The following CCDC171 variants were observed in gnomAD, a reference collection of about 807,000 sequenced individuals.
The protein encoded by CCDC171 is coiled-coil domain-containing protein 171.
CCDC171 carries 177 observed loss-of-function variants against 168.2 expected under a neutral mutation model. The ratio of observed to expected loss-of-function variants is 1.05; its 90% CI spans 0.93 to 1.19. CCDC171 has a LOEUF of 1.19. CCDC171 is among the 50% of genes most tolerant of loss of function. The pLI is 0.00. For missense variants in CCDC171, 1,991 were observed against 1,539.0 expected, an observed-to-expected ratio of 1.29 and a Z score of -4.91; for synonymous variants, 687 against 540.8, an observed-to-expected ratio of 1.27 and a Z score of -3.75.
chr9:15,849,262 A>C (rs2061027720), intron 23 of CCDC171, among the ~76,000 whole-genome samples: 1 of 151,444 alleles, frequency 6.6e-6, no homozygotes, highest in Non-Finnish European at 1.5e-5. Flanking sequence ...ATAATGATAA[A>C]ATGTTTTACC....
intron 7 of CCDC171, among the ~76,000 whole-genome samples, chr9:15,655,441 C>T (rs2047855981): frequency 6.6e-6 from 1 of 152,106 alleles, no homozygotes; most frequent in Non-Finnish European, 1.5e-5. Flanking sequence ...CTTTTTGGGA[C>T]TAGTAATCCG....
chr9:15,826,776 A>C (rs1368678620), intron 21 of CCDC171, among the ~76,000 whole-genome samples: 1 of 152,234 alleles, frequency 6.6e-6, no homozygotes, highest in African/African-American at 2.4e-5. Context: ...AACAGAGACT[A>C]GCAGTCCCTG....
In CCDC171 at chr9:15,746,667, C is replaced by A. The variant is rs563800991; in HGVS notation, c.2671+1036C>A. ...GCCAAATAGGAACAGCTCCGGTCTGCAACTCCAGCAAGATTGATGCAGAAG... is the reference window on the plus strand; with the variant it reads ...GCCAAATAGGAACAGCTCCGGTCTGAAACTCCAGCAAGATTGATGCAGAAG... On this transcript the variant is annotated intron_variant, in intron 18 of 25. Coordinates refer to ENST00000380701, the MANE Select transcript of CCDC171 (RefSeq NM_173550.4). 4.6e-5 allele frequency among the ~76,000 whole-genome samples: 7 copies of A among 152,326 alleles called. No individual in the cohort carries two copies. In the South Asian group the frequency reaches 1.2e-3, roughly 27 times the overall value.
At chr9:16,062,059 A>C (rs1283301068), downstream of CCDC171, among the ~76,000 whole-genome samples, 1 of 152,004 alleles carries the variant, frequency 6.6e-6, no homozygotes, top group South Asian at 2.1e-4. Flanking sequence ...TTAACAATCC[A>C]CTCTTGCAAG....
chr9:15,810,558 G>A (rs1414301224), intron 21 of CCDC171, among the ~76,000 whole-genome samples: 6 of 152,182 alleles, frequency 3.9e-5, no homozygotes, highest in African/African-American at 7.2e-5. Flanking sequence ...GTGAGGAGGC[G>A]GCTGAGGCCC....
At chr9:15,726,610 TG>T (rs926942993) in intron 14 of CCDC171, among the ~76,000 whole-genome samples, 4 of 152,222 alleles carry the variant, frequency 2.6e-5, no homozygotes, top group African/African-American at 9.6e-5. Context: ...TCAAATTTTT[TG>T]ATTTTTAAAT....
chr9:16,053,485 G>A (rs937949253), intron 1 of CCDC171, among the ~76,000 whole-genome samples: 4 of 152,208 alleles, frequency 2.6e-5, no homozygotes, highest in African/African-American at 4.8e-5. Context: ...GGACCCATCC[G>A]CGCCTCAGTT....
intron 13 of CCDC171, 21 bp from the exon 14 acceptor site, chr9:15,724,755 T>G (rs1348730947): frequency 1.3e-6 from 2 of 1,589,156 alleles, no homozygotes; most frequent in Admixed American, 3.3e-5. Context: ...CTACAATCTC[T>G]TTATTTGGTA....
chr9:16,023,085 G>A (rs1304243147), intron 6 of CCDC171, among the ~76,000 whole-genome samples: 1 of 152,040 alleles, frequency 6.6e-6, no homozygotes, highest in Non-Finnish European at 1.5e-5. Context: ...AAAGCATTTG[G>A]GGGTTCATTG....
At chr9:16,099,588 T>C in the CCDC171 span, among the ~76,000 whole-genome samples, 1 of 152,182 alleles carries the variant, frequency 6.6e-6, no homozygotes, top group Non-Finnish European at 1.5e-5. Flanking sequence ...AACAAGTCTC[T>C]GAGAAGCAGC....
chr9:15,954,838 A>C (rs899072904), intron 25 of CCDC171, among the ~76,000 whole-genome samples: 1 of 151,034 alleles, frequency 6.6e-6, no homozygotes, highest in African/African-American at 2.4e-5. Context: ...TGTTTTCTTG[A>C]TTTTCTTCAC....
chr9:15,594,463 T>C (rs2042201540), intron 6 of CCDC171, among the ~76,000 whole-genome samples: 1 of 152,156 alleles, frequency 6.6e-6, no homozygotes, highest in Admixed American at 6.6e-5. Flanking sequence ...CTAATAGCTG[T>C]TTTGAATAGG....
At chr9:15,630,886 T>C (rs1340131519) in intron 7 of CCDC171, among the ~76,000 whole-genome samples, 2 of 152,114 alleles carry the variant, frequency 1.3e-5, no homozygotes, top group Non-Finnish European at 2.9e-5. Flanking sequence ...ACTGCTCAAC[T>C]ACATGGAAAC....
chr9:15,924,024 G>A (rs1384170037), intron 25 of CCDC171, among the ~76,000 whole-genome samples: 1 of 151,278 alleles, frequency 6.6e-6, no homozygotes, highest in Non-Finnish European at 1.5e-5. Context: ...TAGATATATA[G>A]ATATAGGTAT....
intron 7 of CCDC171, among the ~76,000 whole-genome samples, chr9:15,644,257 T>G (rs529631830): frequency 6.6e-6 from 1 of 152,278 alleles, no homozygotes; most frequent in East Asian, 1.9e-4. Flanking sequence ...TATAGCCATC[T>G]GGTTTTGGTC....
chr9:16,029,602 C>T (rs919217877), intron 6 of CCDC171, among the ~76,000 whole-genome samples: 2 of 152,202 alleles, frequency 1.3e-5, no homozygotes, highest in African/African-American at 4.8e-5. Flanking sequence ...AGCCAATATC[C>T]TATGCCTGAA....
chr9:15,688,525 T>A (rs946320390), intron 10 of CCDC171, among the ~76,000 whole-genome samples: 3 of 152,154 alleles, frequency 2.0e-5, no homozygotes, highest in Admixed American at 6.5e-5. Context: ...TACACCATGA[T>A]CAAGTGGGAT....
chr9:15,998,961 G>GA (rs941533680), intron 3 of CCDC171, among the ~76,000 whole-genome samples: 6 of 152,112 alleles, frequency 3.9e-5, no homozygotes, highest in East Asian at 1.9e-4. Context: ...AACTTTTTCT[G>GA]AAAAAATCTA....
intron 25 of CCDC171, among the ~76,000 whole-genome samples, chr9:15,922,717 G>A (rs1387543052): frequency 2.6e-5 from 4 of 151,280 alleles, no homozygotes; most frequent in Non-Finnish European, 5.9e-5. Flanking sequence ...TTTTCTCCAC[G>A]TCTTCACCAA....
Sources: gnomAD v4.1 joint callset for allele counts (sites outside exome capture counted in the v4.1 genomes callset) on GRCh38, gnomAD v4.1.1 for gene constraint, MANE v1.5 for transcripts, NCBI Gene and HGNC (gene_info 2026-07-23, HGNC 2026-07-21) for gene names.